NBPF4: variants seen among roughly 807,000 people sequenced by gnomAD.
NBPF4 encodes NBPF family member NBPF4.
A neutral mutation model predicts 21.1 loss-of-function variants in NBPF4; 11 were observed. The observed-to-expected ratio is 0.52, with a 90% CI of 0.33 to 0.86. The LOEUF (loss-of-function observed/expected upper bound fraction) is 0.86. Ranked by LOEUF, NBPF4 falls within the 40% of genes least tolerant of loss-of-function variation. The pLI is 0.03. For synonymous variants in NBPF4, 47 were observed against 106.4 expected (o/e 0.44, Z 3.43); for missense variants, 88 against 265.3 (o/e 0.33, Z 4.64).
At position 108,222,525 on chromosome 1, in the gene NBPF4, AAAATT is replaced by A. The variant is rs1407697756; in HGVS notation, c.*1175_*1179del. 2.0e-5 allele frequency among the ~76,000 whole-genome samples: 3 copies of A among 152,240 alleles called. No homozygotes were observed. Among genetic ancestry groups the A allele is most frequent in the Non-Finnish European group, 4.4e-5 (3 of 68,038 alleles). On this transcript the variant is annotated 3_prime_UTR_variant, in exon 15 of 15. Coordinates refer to ENST00000415641, the MANE Select transcript of NBPF4 (RefSeq NM_001143989.3). ...AATTTAAAATTTTAACTGATGGACT[AAAATT>A]AATTTTGGATGAAAGTTATAATTGG...
In NBPF4 at chr1:108,222,745, G is replaced by A. The variant is rs1649345355; in HGVS notation, c.*960C>T. On this transcript the variant is annotated 3_prime_UTR_variant, in exon 15 of 15. Coordinates refer to ENST00000415641, the MANE Select transcript of NBPF4 (RefSeq NM_001143989.3). ...CTTAAATATAATAACTGACACAGACGGGGTGATTAATTGGTGATAAAATGT... is the reference window on the plus strand; with the variant it reads ...CTTAAATATAATAACTGACACAGACAGGGTGATTAATTGGTGATAAAATGT... 1.3e-5 allele frequency among the ~76,000 whole-genome samples: 2 copies of A among 152,094 alleles called. No individual in the cohort carries two copies. Among genetic ancestry groups the A allele is most frequent in the Admixed American group, 6.5e-5 (1 of 15,270 alleles).
chr1:108,266,299 A>G, the NBPF4 span, among the ~76,000 whole-genome samples: 2 of 137,690 alleles, frequency 1.5e-5, no homozygotes, highest in Admixed American at 7.7e-5. Context: ...GGCATGCACT[A>G]CCATGCCTGG....
chr1:108,247,993 ATT>A (rs1217628578), upstream of NBPF4, among the ~76,000 whole-genome samples: 2 of 151,262 alleles, frequency 1.3e-5, no homozygotes, highest in Admixed American at 1.3e-4. Context: ...TTTTTTTTTA[ATT>A]TTTTGTAGAG....
intron 14 of NBPF4, among the ~76,000 whole-genome samples, chr1:108,224,371 G>A (rs1171903855): frequency 1.2e-5 from 1 of 80,474 alleles, no homozygotes; most frequent in East Asian, 4.1e-4. Context: ...AATAAAGATT[G>A]GAGAAAGCGA....
At chr1:108,224,594 T>C (rs1043975601) in intron 14 of NBPF4, among the ~76,000 whole-genome samples, 1 of 141,324 alleles carries the variant, frequency 7.1e-6, no homozygotes, top group Non-Finnish European at 1.5e-5. Context: ...AAAATGGAGT[T>C]AGCAAAGTGA....
At position 108,229,006 on chromosome 1, in the gene NBPF4, C is replaced by A; in HGVS notation, c.1574G>T (p.Gly525Val). The A allele has an allele frequency of 2.6e-6, 4 of 1,546,370 alleles. No individual in the cohort carries two copies. The highest frequency in any genetic ancestry group is 3.5e-6 in the Non-Finnish European group (4 of 1,142,810). ...RLQLDQGFHC[G>V]NGLAQRGLSS... is the part of the protein sequence containing the mutation. ...AAGGCCCCGCTGGGCCAAGCCGTTC[C>A]CACAGTGGAACCCTTGATCCAGCTG... is the stretch of plus-strand genomic sequence containing the variant. Residue 525 changes from glycine (G) to valine (V), a missense_variant, in exon 13 of 15, where the codon GGG (glycine) becomes GTG (valine). Gly to Val is a moderately radical substitution (Grantham distance 109). Around this residue, in one of 4 missense-constraint regions of NBPF4, gnomAD observed 60 missense variants for 86.5 expected, o/e 0.69. Coordinates refer to ENST00000415641, the MANE Select transcript of NBPF4 (RefSeq NM_001143989.3).
the NBPF4 span, among the ~76,000 whole-genome samples, chr1:108,265,973 A>T: frequency 1.1e-5 from 1 of 87,220 alleles, no homozygotes; most frequent in Non-Finnish European, 2.1e-5. Context: ...GCACACCAGC[A>T]TGGCACATGT....
Position 108,222,807 on chromosome 1 carries a change from T to A in NBPF4, c.*898A>T, listed in dbSNP as rs1194217047. Among the ~76,000 whole-genome samples the A allele has an allele frequency of 6.6e-6, 1 of 152,212 alleles. No homozygotes were observed. The highest frequency in any genetic ancestry group is 1.5e-5 in the Non-Finnish European group (1 of 68,040). ...TCACTAGAATACAGGATATTTATAC[T>A]ATTTCAAACCACTTTCCAAATTACT... On this transcript the variant is annotated 3_prime_UTR_variant, in exon 15 of 15. Transcript: ENST00000415641.
chr1:108,260,089 G>GT, the NBPF4 span, among the ~76,000 whole-genome samples: 1 of 81,648 alleles, frequency 1.2e-5, no homozygotes, highest in African/African-American at 5.7e-5. Flanking sequence ...TGCAAAAGTT[G>GT]TTTTTCTACA....
upstream of NBPF4, among the ~76,000 whole-genome samples, chr1:108,246,295 G>C (rs1463151324): frequency 7.9e-6 from 1 of 127,338 alleles, no homozygotes; most frequent in Non-Finnish European, 1.7e-5. Context: ...CCTGAACTCA[G>C]ATACAACATA....
intron 14 of NBPF4, 58 bp downstream of exon 14, chr1:108,226,621 G>A: frequency 7.8e-7 from 1 of 1,287,156 alleles, no homozygotes; most frequent in Non-Finnish European, 1.0e-6. Flanking sequence ...AGAATGAGCT[G>A]TCACCATAGA....
rs771201748 is a variant in NBPF4 at position 108,223,678 on chromosome 1, G to A, written c.*27C>T. On this transcript the variant is annotated 3_prime_UTR_variant, in exon 15 of 15. Transcript: ENST00000415641. The stretch of plus-strand genomic sequence containing the variant: ...GCTGTTTTAGTTGTTTTTATCAAGT[G>A]GAAAAGCTGCTTTTTGTGACATTCT... The A allele has an allele frequency of 1.9e-6, 3 of 1,575,408 alleles. No individual in the cohort carries two copies. The highest frequency in any genetic ancestry group is 1.2e-5 in the South Asian group (1 of 86,092).
At chr1:108,226,199 G>A (rs977418879) in intron 14 of NBPF4, among the ~76,000 whole-genome samples, 5 of 150,228 alleles carry the variant, frequency 3.3e-5, no homozygotes, top group African/African-American at 1.2e-4. Flanking sequence ...AGAGGAACAA[G>A]TGATGATTAA....
upstream of NBPF4, among the ~76,000 whole-genome samples, chr1:108,246,413 A>T (rs1819752): frequency 8.9e-6 from 1 of 111,800 alleles, no homozygotes; most frequent in East Asian, 3.2e-4. Context: ...CCTGGACTTG[A>T]TATTTTTTCT....
chr1:108,255,992 G>GTT, the NBPF4 span, among the ~76,000 whole-genome samples: 1 of 130,292 alleles, frequency 7.7e-6, no homozygotes, highest in African/African-American at 2.9e-5. Context: ...CCTGGCTTTT[G>GTT]TTTTTTTTGG....
intron 14 of NBPF4, among the ~76,000 whole-genome samples, chr1:108,224,495 G>C (rs1236205493): frequency 6.8e-6 from 1 of 146,302 alleles, no homozygotes; most frequent in African/African-American, 2.6e-5. Flanking sequence ...TGTTTCTTTG[G>C]TTGGTTAAAA....
chr1:108,247,410 T>TG (rs1649869999), upstream of NBPF4, among the ~76,000 whole-genome samples: 1 of 139,812 alleles, frequency 7.2e-6, no homozygotes, highest in Non-Finnish European at 1.6e-5. Flanking sequence ...TGCGCTCAGT[T>TG]GGGGCCTGGA....
chr1:108,257,716 C>G, the NBPF4 span, among the ~76,000 whole-genome samples: 4 of 133,798 alleles, frequency 3.0e-5, no homozygotes, highest in African/African-American at 9.1e-5. Context: ...TATTTTTGGA[C>G]TGTGTATTTT....
In NBPF4 at chr1:108,229,112, A is replaced by G; in HGVS notation, c.1468T>C (p.Leu490=). 6.4e-7 allele frequency: 1 copy of G among 1,551,034 alleles called. No individual in the cohort carries two copies. The highest frequency in any genetic ancestry group is 8.7e-7 in the Non-Finnish European group (1 of 1,146,506). Residue 490 remains leucine (L), a synonymous_variant, in exon 13 of 15, where the codon TTG becomes CTG. Coordinates refer to ENST00000415641, the MANE Select transcript of NBPF4 (RefSeq NM_001143989.3). ...TGCACCTCTGACTGGTGGTGGCTCA[A>G]GTCTCCACTCCAAGTCCCTTGGGGA... is the stretch of plus-strand genomic sequence containing the variant. The part of the protein sequence containing the change: ...ACPQGTWSGD[L]SHHQSEVQVS...
Sources: allele counts gnomAD v4.1 joint callset (sites outside exome capture counted in the v4.1 genomes callset), GRCh38; gene constraint gnomAD v4.1.1; regional missense constraint gnomAD v4.1.1; transcripts MANE v1.5; gene names NCBI Gene and HGNC (gene_info 2026-07-23, HGNC 2026-07-21).